SEMA4C: variants seen among roughly 807,000 people sequenced by gnomAD.
SEMA4C encodes the protein semaphorin-4C.
In SEMA4C, 19 loss-of-function variants were observed where a neutral mutation model predicts 89.0. The ratio of observed to expected loss-of-function variants is 0.21; its 90% CI spans 0.15 to 0.31. The LOEUF (loss-of-function observed/expected upper bound fraction) is 0.31, where lower values mean the gene tolerates loss of function less well. SEMA4C is among the 10% of genes least tolerant of loss of function. SEMA4C has a pLI of 1.00. For synonymous variants in SEMA4C, 428 were observed against 472.7 expected, an observed-to-expected ratio of 0.91 and a Z score of 1.23; for missense variants, 811 against 1,107.0, an observed-to-expected ratio of 0.73 and a Z score of 3.79.
chr2:96,870,225 G>A, upstream of SEMA4C: 1 of 985,286 alleles, frequency 1.0e-6, no homozygotes, highest in Non-Finnish European at 1.2e-6. Flanking sequence ...CCGCCCGGGG[G>A]CTCGGACCTC....
chr2:96,863,468 T>C, intron 12 of SEMA4C: 5 of 1,339,334 alleles, frequency 3.7e-6, no homozygotes, highest in Non-Finnish European at 3.9e-6. Context: ...GACCTGGCTA[T>C]ATATAATGGC....
At position 96,861,707 on chromosome 2, in the gene SEMA4C, A is replaced by G; in HGVS notation, c.1601+30T>C. ...GGCTCCAACCACCCTGAGTCCCTGG[A>G]GGTCCTGGCCTATGTAGAGCCCAAC... On this transcript the variant is annotated intron_variant, in intron 13 of 14. Coordinates refer to ENST00000305476, the MANE Select transcript of SEMA4C (RefSeq NM_017789.5). The surrounding 1 kb of genome is among the most constrained non-coding windows in gnomAD (Gnocchi z 7.8). 1 of 1,607,232 alleles carries G rather than the reference A, an allele frequency of 6.2e-7. No individual in the cohort carries two copies. Among genetic ancestry groups the G allele is most frequent in the East Asian group, 2.2e-5 (1 of 44,674 alleles).
rs146885765 is a variant in SEMA4C at position 96,863,790 on chromosome 2, G to A, written c.1335C>T (p.Asp445=). 48 of 1,613,714 alleles carry A rather than the reference G, an allele frequency of 3.0e-5. No individual in the cohort carries two copies. In the African/African-American group the frequency reaches 3.5e-4, roughly 12 times the overall value. ...TYTVLFIGTG[D]GWLLKAVSLG... Reference sequence around the variant, plus strand: ...GGCTCACAGCCTTGAGCAGCCAGCCGTCTCCTGGGGGGTGCAGAGGAGAAG... The same window carrying A: ...GGCTCACAGCCTTGAGCAGCCAGCCATCTCCTGGGGGGTGCAGAGGAGAAG... Residue 445 remains aspartate (D), a synonymous_variant, in exon 12 of 15, where the codon GAC becomes GAT. Transcript: ENST00000305476.
intron 1 of SEMA4C, chr2:96,869,622 A>G: frequency 1.0e-6 from 1 of 984,780 alleles, no homozygotes; most frequent in African/African-American, 1.7e-5. Context: ...CGCGCGAGGA[A>G]CCCTCGCTGG....
At chr2:96,869,389 G>A in intron 1 of SEMA4C, 4 of 985,142 alleles carry the variant, frequency 4.1e-6, no homozygotes, top group Non-Finnish European at 4.8e-6. Flanking sequence ...TGCAGGGCGA[G>A]CGCTCCAGCC....
At position 96,863,797 on chromosome 2, in the gene SEMA4C, G is replaced by A; in HGVS notation, c.1331-3C>T. 1 of 1,611,822 alleles carries A rather than the reference G, an allele frequency of 6.2e-7. No homozygotes were observed. Among genetic ancestry groups the A allele is most frequent in the Non-Finnish European group, 8.5e-7 (1 of 1,178,284 alleles). The stretch of plus-strand genomic sequence containing the variant: ...AGCCTTGAGCAGCCAGCCGTCTCCT[G>A]GGGGGTGCAGAGGAGAAGGTGTAAA... On this transcript the variant is annotated splice_region_variant and splice_polypyrimidine_tract_variant and intron_variant, in intron 11 of 14. Coordinates refer to ENST00000305476, the MANE Select transcript of SEMA4C (RefSeq NM_017789.5).
chr2:96,868,577 T>A, intron 1 of SEMA4C: 1 of 985,722 alleles, frequency 1.0e-6, no homozygotes. Flanking sequence ...GCCCCTTTGT[T>A]GCCCAAGAGG....
upstream of SEMA4C, chr2:96,870,206 G>T: frequency 1.0e-6 from 1 of 985,010 alleles, no homozygotes; most frequent in African/African-American, 1.7e-5. Flanking sequence ...CTGTGGACCC[G>T]CCCGCTCTCC....
At chr2:96,869,426 G>A in intron 1 of SEMA4C, 2 of 985,158 alleles carry the variant, frequency 2.0e-6, no homozygotes, top group Non-Finnish European at 2.4e-6. Flanking sequence ...GGCTCGGCCC[G>A]GGGGCCTGGC....
intron 1 of SEMA4C, chr2:96,868,699 A>G: frequency 3.1e-6 from 3 of 979,216 alleles, no homozygotes; most frequent in Non-Finnish European, 3.6e-6. Context: ...GGGGGGACCG[A>G]GCTCGGGTCG....
At position 96,863,756 on chromosome 2, in the gene SEMA4C, A is replaced by G. The variant is rs1188378710; in HGVS notation, c.1369T>C (p.Trp457Arg). The G allele has an allele frequency of 1.2e-6, 2 of 1,613,872 alleles. No individual in the cohort carries two copies. Among genetic ancestry groups the G allele is most frequent in the Non-Finnish European group, 1.7e-6 (2 of 1,180,044 alleles). ...WLLKAVSLGP[W>R]VHLIEELQLF... ...TGCAGCTCCTCAATCAGGTGAACCCAGGGCCCCAGGCTCACAGCCTTGAGC... is the reference window on the plus strand; with the variant it reads ...TGCAGCTCCTCAATCAGGTGAACCCGGGGCCCCAGGCTCACAGCCTTGAGC... The change falls in exon 12 of 15, where the codon TGG (tryptophan) becomes CGG (arginine). Residue 457 changes from tryptophan (W) to arginine (R), a missense_variant. By Grantham distance (101) the Trp-to-Arg change is moderately radical (BLOSUM62 -3). This residue lies in a region of SEMA4C where 441 missense variants were observed against 664.9 expected (regional missense o/e 0.66). Coordinates refer to ENST00000305476, the MANE Select transcript of SEMA4C (RefSeq NM_017789.5).
chr2:96,866,173 G>T, intron 3 of SEMA4C, 110 bp downstream of exon 3: 2 of 1,445,734 alleles, frequency 1.4e-6, no homozygotes, highest in Non-Finnish European at 1.9e-6. Context: ...CGGATGCCCA[G>T]CAGCACTTCT....
chr2:96,860,574 A>C lies in SEMA4C; in HGVS notation c.*52T>G. 2 of 1,511,378 alleles carry C rather than the reference A, an allele frequency of 1.3e-6. No individual in the cohort carries two copies. Among genetic ancestry groups the C allele is most frequent in the Non-Finnish European group, 1.8e-6 (2 of 1,114,032 alleles). The allele number at this position is 1,511,378 out of a possible 1,614,324, so 93.6% of individuals were successfully genotyped here. On this transcript the variant is annotated 3_prime_UTR_variant, in exon 15 of 15. Coordinates refer to ENST00000305476, the MANE Select transcript of SEMA4C (RefSeq NM_017789.5). ...CCCTGAGGTAGCTGGTGCCTGTGCA[A>C]AAGTAGGAGCTACACCTCCCACGCT...
chr2:96,865,390 G>A (rs1367102263), intron 6 of SEMA4C, 51 bp downstream of exon 6: 2 of 1,610,912 alleles, frequency 1.2e-6, no homozygotes, highest in Admixed American at 3.3e-5. Context: ...AGACCCAAGT[G>A]GAACCAAGCC....
intron 12 of SEMA4C, chr2:96,862,225 C>T (rs2079963494): frequency 3.6e-6 from 1 of 280,602 alleles, no homozygotes; most frequent in South Asian, 9.8e-5. Flanking sequence ...CATTTCAAGG[C>T]CCATCAGCCC....
At chr2:96,866,522 C>T (rs1340223829) in intron 2 of SEMA4C, 91 bp from the exon 3 acceptor site, 2 of 1,552,436 alleles carry the variant, frequency 1.3e-6, no homozygotes, top group Non-Finnish European at 8.9e-7. Context: ...CCCCATGCCA[C>T]AAGCAGATGC....
intron 1 of SEMA4C, chr2:96,868,628 G>A: frequency 1.0e-6 from 1 of 985,498 alleles, no homozygotes. Context: ...AATGACCAGG[G>A]CCTCATCCTG....
Position 96,861,918 on chromosome 2 carries a change from AGGG to A in SEMA4C, c.1444-27_1444-25del, listed in dbSNP as rs1479218983. ...TTCTGCGAGAAAAGCGGGGCGCAGG[AGGG>A]GGGTCGGCCAGGGCCACACCACGGG... On this transcript the variant is annotated intron_variant, in intron 12 of 14. Transcript: ENST00000305476. The surrounding 1 kb of genome is among the most constrained non-coding windows in gnomAD (Gnocchi z 7.8). The A allele has an allele frequency of 1.5e-5, 24 of 1,587,342 alleles. No homozygotes were observed. The highest frequency in any genetic ancestry group is 2.1e-5 in the Non-Finnish European group (24 of 1,168,006).
At position 96,865,485 on chromosome 2, in the gene SEMA4C, T is replaced by C; in HGVS notation, c.473A>G (p.Lys158Arg). Reference sequence around the variant, plus strand: ...GCCCTTAGCTGGGTCATAGGGACACTTGCCCTTCCCATCTTCAAACTCTCC... The same window carrying C: ...GCCCTTAGCTGGGTCATAGGGACACCTGCCCTTCCCATCTTCAAACTCTCC... ...EHGEFEDGKGKCPYDPAKGHA... is the reference protein window; with the variant it reads ...EHGEFEDGKGRCPYDPAKGHA... The change falls in exon 6 of 15, where the codon AAG becomes AGG. Residue 158 changes from lysine to arginine, a missense_variant. Lys to Arg is a conservative substitution (Grantham distance 26, BLOSUM62 2). Transcript: ENST00000305476. 1 of 1,614,082 alleles carries C rather than the reference T, an allele frequency of 6.2e-7. No individual in the cohort carries two copies. Among genetic ancestry groups the C allele is most frequent in the Non-Finnish European group, 8.5e-7 (1 of 1,180,036 alleles).
Sources: allele counts gnomAD v4.1 joint callset, GRCh38; gene constraint gnomAD v4.1.1; regional missense constraint gnomAD v4.1.1; non-coding constraint Gnocchi (gnomAD v3.1); transcripts MANE v1.5; gene names NCBI Gene and HGNC (gene_info 2026-07-23, HGNC 2026-07-21).